KCNIP3: variants seen among roughly 807,000 people sequenced by gnomAD.
KCNIP3 encodes calsenilin.
In KCNIP3, 28 loss-of-function variants were observed where a neutral mutation model predicts 35.0. The observed-to-expected ratio is 0.80, with a 90% confidence interval of 0.59 to 1.10. The LOEUF (loss-of-function observed/expected upper bound fraction) is 1.10. KCNIP3 is among the 50% of genes least tolerant of loss of function. The pLI is 0.00. For missense variants in KCNIP3, 295 were observed against 338.4 expected, an observed-to-expected ratio of 0.87 and a Z score of 1.01; for synonymous variants, 134 against 133.8, an observed-to-expected ratio of 1.00 and a Z score of -0.01.
chr2:95,328,741 G>A (rs1249962131), intron 2 of KCNIP3, among the ~76,000 whole-genome samples: 1 of 152,260 alleles, frequency 6.6e-6, no homozygotes, highest in Admixed American at 6.5e-5. Flanking sequence ...AGGGAGCCTG[G>A]CCTGAGCAGG....
chr2:95,323,670 C>A (rs1377723622), intron 2 of KCNIP3, among the ~76,000 whole-genome samples: 1 of 152,172 alleles, frequency 6.6e-6, no homozygotes, highest in Non-Finnish European at 1.5e-5. Context: ...GGCTTAAAGG[C>A]ACCAGGATCT....
chr2:95,315,656 C>T (rs921321204), intron 2 of KCNIP3, among the ~76,000 whole-genome samples: 7 of 152,228 alleles, frequency 4.6e-5, no homozygotes, highest in Non-Finnish European at 1.5e-5. Flanking sequence ...CCCTTCTCCA[C>T]GTCCTTCCCC....
intron 2 of KCNIP3, among the ~76,000 whole-genome samples, chr2:95,339,435 T>G (rs190242588): frequency 6.6e-6 from 1 of 151,752 alleles, no homozygotes; most frequent in Non-Finnish European, 1.5e-5. Flanking sequence ...CACACAAAAA[T>G]TAGCTGGGCA....
chr2:95,314,137 C>T (rs1245289985), intron 2 of KCNIP3, among the ~76,000 whole-genome samples: 1 of 152,106 alleles, frequency 6.6e-6, no homozygotes, highest in East Asian at 1.9e-4. Context: ...ATAAAGACAC[C>T]ACCACCAGTG....
intron 3 of KCNIP3, 152 bp downstream of exon 3, chr2:95,374,572 G>A: frequency 9.6e-7 from 1 of 1,038,450 alleles, no homozygotes; most frequent in Admixed American, 2.6e-5. Context: ...CTCCGGAATG[G>A]GCATCGCTGA....
chr2:95,344,282 G>A (rs1229031034), intron 2 of KCNIP3, among the ~76,000 whole-genome samples: 1 of 149,992 alleles, frequency 6.7e-6, no homozygotes, highest in African/African-American at 2.5e-5. Context: ...GGTGGGGGGG[G>A]GCACATGGGG....
intron 2 of KCNIP3, among the ~76,000 whole-genome samples, chr2:95,328,161 G>T (rs1678839403): frequency 6.6e-6 from 1 of 152,186 alleles, no homozygotes; most frequent in Non-Finnish European, 1.5e-5. Context: ...ACCACCCCCA[G>T]CCCCCACCAG....
Position 95,351,801 on chromosome 2 carries a change from A to G in KCNIP3, c.182-22495A>G, listed in dbSNP as rs190288806. On this transcript the variant is annotated intron_variant, in intron 2 of 8. Coordinates refer to ENST00000295225, the MANE Select transcript of KCNIP3 (RefSeq NM_013434.5). The stretch of plus-strand genomic sequence containing the variant: ...TCCAGACCAACCTCATCAACATAGC[A>G]AGACCCTGTCTCTACAAAACAAAAA... Among the ~76,000 whole-genome samples the G allele has an allele frequency of 2.6e-4, 39 of 152,230 alleles. No homozygotes were observed. The East Asian group carries it at 7.2e-3, about 28-fold the overall frequency.
intron 2 of KCNIP3, among the ~76,000 whole-genome samples, chr2:95,336,130 T>C (rs1679054809): frequency 6.6e-6 from 1 of 152,264 alleles, no homozygotes; most frequent in African/African-American, 2.4e-5. Flanking sequence ...TTGGGGGCAG[T>C]GAGAGACAGA....
chr2:95,383,998 G>T lies in KCNIP3; in HGVS notation c.724-4G>T. 1 of 1,613,846 alleles carries T rather than the reference G, an allele frequency of 6.2e-7. No individual in the cohort carries two copies. The highest frequency in any genetic ancestry group is 8.5e-7 in the Non-Finnish European group (1 of 1,179,900). ...TGAAGGCCTCCCTTCCTCTCTCCAT[G>T]CAGGATGAGAACATCATGAGCTCCA... On this transcript the variant is annotated splice_region_variant and splice_polypyrimidine_tract_variant and intron_variant, in intron 8 of 8. Coordinates refer to ENST00000295225, the MANE Select transcript of KCNIP3 (RefSeq NM_013434.5).
At chr2:95,375,708 G>A (rs948757085) in intron 5 of KCNIP3, among the ~76,000 whole-genome samples, 3 of 152,170 alleles carry the variant, frequency 2.0e-5, no homozygotes, top group Admixed American at 6.5e-5. Context: ...ACCCACTGGC[G>A]GAAGGAGAAG....
At chr2:95,310,308 C>T in intron 1 of KCNIP3, 47 bp from the exon 2 acceptor site, 4 of 1,612,408 alleles carry the variant, frequency 2.5e-6, no homozygotes, top group Non-Finnish European at 3.4e-6. Flanking sequence ...CCAGGGGTCC[C>T]CCCTCTGAGC....
chr2:95,379,574 C>G (rs1266697629), intron 5 of KCNIP3, among the ~76,000 whole-genome samples: 1 of 152,240 alleles, frequency 6.6e-6, no homozygotes, highest in East Asian at 1.9e-4. Context: ...GCTTACTGCC[C>G]AGCTGCTTCC....
intron 2 of KCNIP3, among the ~76,000 whole-genome samples, chr2:95,345,380 G>A (rs1245516222): frequency 1.3e-5 from 2 of 152,232 alleles, no homozygotes; most frequent in Non-Finnish European, 2.9e-5. Flanking sequence ...CAAAGGCTTG[G>A]CACACGTAGG....
At chr2:95,331,196 G>A (rs1320290418) in intron 2 of KCNIP3, among the ~76,000 whole-genome samples, 1 of 152,160 alleles carries the variant, frequency 6.6e-6, no homozygotes. Context: ...AGGCGGGAGG[G>A]AGCAGCGGTA....
Position 95,373,688 on chromosome 2 carries a change from G to T in KCNIP3, c.182-608G>T, listed in dbSNP as rs1406579074. Among the ~76,000 whole-genome samples, 5 of 152,296 alleles carry T rather than the reference G, an allele frequency of 3.3e-5. No individual in the cohort carries two copies. The East Asian group carries it at 9.6e-4, about 29-fold the overall frequency. ...CTGCCTCAGCCTCCCAAAGTGCTGG[G>T]ATTACAGGTGTGAGTCACCGCACCC... On this transcript the variant is annotated intron_variant, in intron 2 of 8. Transcript: ENST00000295225.
At chr2:95,302,145 AGT>A (rs2104197839) in intron 1 of KCNIP3, among the ~76,000 whole-genome samples, 1 of 151,512 alleles carries the variant, frequency 6.6e-6, no homozygotes, top group South Asian at 2.1e-4. Flanking sequence ...GACAGCAAGC[AGT>A]GCTGGGTGGG....
chr2:95,346,934 G>A, intron 2 of KCNIP3: 1 of 793,162 alleles, frequency 1.3e-6, no homozygotes, highest in Non-Finnish European at 1.8e-6. Context: ...GAGGCCGTGC[G>A]GGCTGCAGGG....
At chr2:95,304,402 G>A (rs1158100598) in intron 1 of KCNIP3, among the ~76,000 whole-genome samples, 1 of 152,178 alleles carries the variant, frequency 6.6e-6, no homozygotes, top group Non-Finnish European at 1.5e-5. Flanking sequence ...TTGAGGCTCT[G>A]AGCTGAGGCC....
Sources: gnomAD v4.1 joint callset for allele counts (sites outside exome capture counted in the v4.1 genomes callset) on GRCh38, gnomAD v4.1.1 for gene constraint, MANE v1.5 for transcripts, NCBI Gene and HGNC (gene_info 2026-07-23, HGNC 2026-07-21) for gene names.